Variants in TENM2 observed in about 807,000 individuals in gnomAD.
TENM2 encodes teneurin transmembrane protein 2, also known as teneurin-2.
In TENM2, 52 loss-of-function variants were observed where a neutral mutation model predicts 245.2. The ratio of observed to expected loss-of-function variants is 0.21; its 90% CI spans 0.17 to 0.27. The LOEUF is 0.27. TENM2 is among the 10% of genes least tolerant of loss of function. The probability of loss-of-function intolerance (pLI) is 1.00; values close to 1 mark genes in which losing one functional copy is unlikely to be tolerated. For missense variants in TENM2, 3,046 were observed against 3,666.8 expected (o/e 0.83, Z 4.37); for synonymous variants, 1,363 against 1,438.9 (o/e 0.95, Z 1.19).
intron 2 of TENM2, among the ~76,000 whole-genome samples, chr5:167,875,213 G>T (rs148707427): frequency 6.6e-6 from 1 of 152,152 alleles, no homozygotes; most frequent in Non-Finnish European, 1.5e-5. Context: ...AACATGGAAG[G>T]GTTGATTGAA....
intron 23 of TENM2, among the ~76,000 whole-genome samples, chr5:168,220,583 G>T (rs762450905): frequency 5.9e-5 from 9 of 152,032 alleles, no homozygotes; most frequent in Non-Finnish European, 1.3e-4. Flanking sequence ...TCCATTGTGG[G>T]GTTCAAATGT....
At chr5:168,006,147 T>C (rs1784802086) in intron 5 of TENM2, among the ~76,000 whole-genome samples, 2 of 152,146 alleles carry the variant, frequency 1.3e-5, no homozygotes, top group Non-Finnish European at 2.9e-5. Context: ...AGGCTACAGT[T>C]TTAGCCCATC....
At chr5:167,557,122 C>T (rs921935075) in intron 2 of TENM2, among the ~76,000 whole-genome samples, 2 of 152,088 alleles carry the variant, frequency 1.3e-5, no homozygotes, top group African/African-American at 4.8e-5. Flanking sequence ...TGTACACAGA[C>T]CATTGGCATG....
intron 1 of TENM2, among the ~76,000 whole-genome samples, chr5:167,357,506 C>T (rs189252904): frequency 5.9e-5 from 9 of 152,038 alleles, no homozygotes; most frequent in South Asian, 4.1e-4. Context: ...GTGATCCTCC[C>T]GCCTCAGCCT....
At chr5:167,616,431 G>C (rs934835796) in intron 2 of TENM2, among the ~76,000 whole-genome samples, 1 of 152,022 alleles carries the variant, frequency 6.6e-6, no homozygotes, top group Non-Finnish European at 1.5e-5. Flanking sequence ...AATTAGATTA[G>C]GAATGGATTA....
At chr5:167,224,366 C>T in the TENM2 span, among the ~76,000 whole-genome samples, 32,140 of 151,598 alleles carry the variant, frequency 0.21, 4,060 homozygotes, top group African/African-American at 0.36. Flanking sequence ...GATTGCTGGA[C>T]GGGGTGAGAG....
At chr5:167,510,320 G>A (rs1345502341) in intron 2 of TENM2, among the ~76,000 whole-genome samples, 1 of 152,128 alleles carries the variant, frequency 6.6e-6, no homozygotes, top group African/African-American at 2.4e-5. Flanking sequence ...CCACTAAGAT[G>A]AATTTTCCTG....
intron 5 of TENM2, among the ~76,000 whole-genome samples, chr5:168,015,153 C>T (rs953078632): frequency 1.3e-5 from 2 of 152,160 alleles, no homozygotes; most frequent in Admixed American, 6.6e-5. Context: ...AGTAAAGGAC[C>T]GAAGACTGAG....
intron 2 of TENM2, among the ~76,000 whole-genome samples, chr5:167,855,259 T>C (rs1423527020): frequency 6.6e-6 from 1 of 152,120 alleles, no homozygotes; most frequent in Non-Finnish European, 1.5e-5. Flanking sequence ...TTCCACCAGG[T>C]CCCGTTCAAA....
intron 2 of TENM2, among the ~76,000 whole-genome samples, chr5:167,678,314 T>A (rs1756472123): frequency 6.6e-6 from 1 of 152,162 alleles, no homozygotes. Flanking sequence ...AAACACTTCT[T>A]GTTATCACGT....
chr5:167,360,434 C>A (rs1163971578), intron 1 of TENM2, among the ~76,000 whole-genome samples: 1 of 152,154 alleles, frequency 6.6e-6, no homozygotes, highest in Non-Finnish European at 1.5e-5. Context: ...GAATAAGGCT[C>A]TTTGCCTTTG....
At chr5:167,576,811 C>T (rs939572362) in intron 2 of TENM2, among the ~76,000 whole-genome samples, 11 of 152,006 alleles carry the variant, frequency 7.2e-5, no homozygotes, top group African/African-American at 2.4e-4. Flanking sequence ...GACTGTTTTC[C>T]CACTGAATAT....
At chr5:167,131,112 A>G in the TENM2 span, among the ~76,000 whole-genome samples, 1 of 152,062 alleles carries the variant, frequency 6.6e-6, no homozygotes, top group African/African-American at 2.4e-5. Context: ...CACACAACGA[A>G]ACGCTTCCTG....
intron 2 of TENM2, among the ~76,000 whole-genome samples, chr5:167,724,640 G>C (rs144061725): frequency 6.6e-6 from 1 of 152,282 alleles, no homozygotes; most frequent in African/African-American, 2.4e-5. Flanking sequence ...AGAAAGGGAA[G>C]AGATAGGAAC....
chr5:167,321,146 T>G (rs1171138153), intron 1 of TENM2, among the ~76,000 whole-genome samples: 2 of 152,140 alleles, frequency 1.3e-5, no homozygotes, highest in Non-Finnish European at 2.9e-5. Context: ...TTTAAAAAAT[T>G]GATGCTCTTC....
intron 2 of TENM2, among the ~76,000 whole-genome samples, chr5:167,640,896 T>TATAC (rs1779560730): frequency 1.0e-5 from 1 of 99,504 alleles, no homozygotes; most frequent in African/African-American, 4.4e-5. Context: ...TATATATATA[T>TATAC]ATATATATAT....
the TENM2 span, among the ~76,000 whole-genome samples, chr5:167,183,199 G>A: frequency 6.6e-6 from 1 of 152,042 alleles, no homozygotes; most frequent in Admixed American, 6.6e-5. Flanking sequence ...TGTATGTAAG[G>A]TCAACCATGA....
chr5:168,096,750 C>G (rs1296446717), intron 8 of TENM2, among the ~76,000 whole-genome samples: 1 of 152,214 alleles, frequency 6.6e-6, no homozygotes, highest in Non-Finnish European at 1.5e-5. Flanking sequence ...CCCCAACTCT[C>G]CAAGGGTGAT....
chr5:167,682,720 C>T (rs1420803647), intron 2 of TENM2, among the ~76,000 whole-genome samples: 2 of 152,176 alleles, frequency 1.3e-5, no homozygotes, highest in African/African-American at 4.8e-5. Context: ...CCTCCTGCTG[C>T]GTGGCTTGGT....
Sources: gnomAD v4.1 joint callset for allele counts (sites outside exome capture counted in the v4.1 genomes callset) on GRCh38, gnomAD v4.1.1 for gene constraint, MANE v1.5 for transcripts, NCBI Gene and HGNC (gene_info 2026-07-23, HGNC 2026-07-21) for gene names.